Variants in KIAA0319 observed in about 807,000 individuals in gnomAD.
KIAA0319 encodes dyslexia-associated protein KIAA0319.
A neutral mutation model predicts 108.4 loss-of-function variants in KIAA0319; 83 were observed. The observed-to-expected ratio is 0.77, with a 90% CI of 0.64 to 0.92. KIAA0319 has a LOEUF of 0.92. Ranked by LOEUF, KIAA0319 falls within the 40% of genes least tolerant of loss-of-function variation. KIAA0319 has a pLI of 0.00. For missense variants in KIAA0319, 1,195 were observed against 1,322.4 expected, an observed-to-expected ratio of 0.90 and a Z score of 1.49; for synonymous variants, 484 against 510.4, an observed-to-expected ratio of 0.95 and a Z score of 0.70.
At chr6:24,611,324 C>A (rs1240152329) in intron 1 of KIAA0319, among the ~76,000 whole-genome samples, 1 of 151,788 alleles carries the variant, frequency 6.6e-6, no homozygotes, top group Non-Finnish European at 1.5e-5. Context: ...CAGGCTGAAA[C>A]CCTGTCTGTA....
In KIAA0319 at chr6:24,584,431, T is replaced by TA. The variant is rs5874993; in HGVS notation, c.995-730dup. Among the ~76,000 whole-genome samples, 344 of 91,240 alleles carry TA rather than the reference T, an allele frequency of 3.8e-3. 1 individual carries two copies. Among genetic ancestry groups the TA allele is most frequent in the South Asian group, 0.013 (32 of 2,532 alleles). 59.9% of individuals were successfully genotyped at this position (91,240 alleles called of 152,430 possible). On this transcript the variant is annotated intron_variant, in intron 4 of 20. Coordinates refer to ENST00000378214, the MANE Select transcript of KIAA0319 (RefSeq NM_014809.4). ...TACTACACAGAGAAAAGCAAAGATT[T>TA]AAAAAAAAAAAAAAAAAAAAAAAAG...
At chr6:24,590,868 C>G (rs1268836309) in intron 3 of KIAA0319, among the ~76,000 whole-genome samples, 1 of 152,310 alleles carries the variant, frequency 6.6e-6, no homozygotes, top group Non-Finnish European at 1.5e-5. Context: ...ACTAAGTCAT[C>G]AGGACACAAG....
intron 4 of KIAA0319, among the ~76,000 whole-genome samples, chr6:24,584,006 G>A (rs1031333901): frequency 4.6e-5 from 7 of 152,156 alleles, no homozygotes; most frequent in African/African-American, 1.7e-4. Flanking sequence ...ATGCAACTGT[G>A]AATTGGGTCC....
At chr6:24,643,171 C>A (rs1777183745) in intron 1 of KIAA0319, among the ~76,000 whole-genome samples, 1 of 152,206 alleles carries the variant, frequency 6.6e-6, no homozygotes, top group African/African-American at 2.4e-5. Context: ...TAAACACCTA[C>A]TGTTAAAAGA....
At chr6:24,606,213 A>G (rs5026270) in intron 1 of KIAA0319, among the ~76,000 whole-genome samples, 18,310 of 152,174 alleles carry the variant, frequency 0.12, 2,287 homozygotes, top group East Asian at 0.45. Context: ...TTGGGATTAT[A>G]GGCGTGAGTT....
intron 1 of KIAA0319, among the ~76,000 whole-genome samples, chr6:24,623,031 T>C (rs1417251268): frequency 6.6e-6 from 1 of 151,284 alleles, no homozygotes; most frequent in Non-Finnish European, 1.5e-5. Context: ...AGAGTGAGGC[T>C]CCATCTCATT....
chr6:24,596,705 C>T (rs1769669425), intron 2 of KIAA0319, 87 bp from the exon 3 acceptor site: 3 of 1,264,570 alleles, frequency 2.4e-6, no homozygotes, highest in Non-Finnish European at 2.2e-6. Context: ...AGGGAGTCTT[C>T]TCAATCCCTG....
chr6:24,622,971 G>A (rs2127573366), intron 1 of KIAA0319, among the ~76,000 whole-genome samples: 1 of 152,180 alleles, frequency 6.6e-6, no homozygotes, highest in East Asian at 1.9e-4. Flanking sequence ...CCCAGGAGAT[G>A]GAGGTTGCAG....
At chr6:24,634,004 A>C (rs1422571341) in intron 1 of KIAA0319, among the ~76,000 whole-genome samples, 1 of 152,254 alleles carries the variant, frequency 6.6e-6, no homozygotes, top group Non-Finnish European at 1.5e-5. Flanking sequence ...TATTAGTTTC[A>C]AACACAGGAA....
intron 4 of KIAA0319, among the ~76,000 whole-genome samples, chr6:24,586,653 A>T (rs1052259751): frequency 2.0e-5 from 3 of 152,336 alleles, no homozygotes; most frequent in Middle Eastern, 3.4e-3. Flanking sequence ...ATAAGCTTAT[A>T]TAATAAACCT....
chr6:24,612,319 G>T (rs1772451027), intron 1 of KIAA0319, among the ~76,000 whole-genome samples: 2 of 151,780 alleles, frequency 1.3e-5, no homozygotes, highest in South Asian at 4.2e-4. Context: ...AAGCATAGTG[G>T]CACCACCTGT....
intron 19 of KIAA0319, 73 bp from the exon 20 acceptor site, chr6:24,551,598 A>G (rs753064308): frequency 3.8e-5 from 38 of 1,003,276 alleles, no homozygotes; most frequent in Middle Eastern, 4.4e-4. Context: ...AACGCACAGT[A>G]AAGACACTAA....
chr6:24,586,830 C>T (rs184572104), intron 4 of KIAA0319, among the ~76,000 whole-genome samples: 9 of 151,756 alleles, frequency 5.9e-5, no homozygotes, highest in African/African-American at 2.2e-4. Flanking sequence ...CTCCATAGAA[C>T]TCTCTCCCTC....
chr6:24,550,673 T>G (rs1248328432), intron 20 of KIAA0319, among the ~76,000 whole-genome samples: 1 of 152,210 alleles, frequency 6.6e-6, no homozygotes, highest in Admixed American at 6.5e-5. Context: ...CCAAATGTCC[T>G]CTTGCTGCAT....
intron 1 of KIAA0319, among the ~76,000 whole-genome samples, chr6:24,633,700 A>G (rs1416975361): frequency 2.6e-5 from 4 of 152,212 alleles, no homozygotes. Context: ...ATATAAAAGG[A>G]TATTTGGGAA....
intron 1 of KIAA0319, among the ~76,000 whole-genome samples, chr6:24,640,014 G>T (rs1776716548): frequency 6.8e-6 from 1 of 146,134 alleles, no homozygotes; most frequent in African/African-American, 2.6e-5. Context: ...AGTATAGTAA[G>T]GTCATATACT....
At chr6:24,600,041 A>G (rs944316886) in intron 2 of KIAA0319, among the ~76,000 whole-genome samples, 6 of 152,244 alleles carry the variant, frequency 3.9e-5, no homozygotes, top group Admixed American at 1.3e-4. Context: ...CCAAAAAAAA[A>G]AAAAGGAAGA....
intron 11 of KIAA0319, among the ~76,000 whole-genome samples, chr6:24,570,765 G>A (rs1395328562): frequency 6.6e-6 from 1 of 152,142 alleles, no homozygotes; most frequent in African/African-American, 2.4e-5. Context: ...TTGATGTGAA[G>A]AGACCTGCTT....
At chr6:24,594,837 C>G (rs937816940) in intron 3 of KIAA0319, among the ~76,000 whole-genome samples, 1 of 151,874 alleles carries the variant, frequency 6.6e-6, no homozygotes, top group Non-Finnish European at 1.5e-5. Flanking sequence ...TTATTTCCAC[C>G]TATACTCAGC....
Sources: gnomAD v4.1 joint callset for allele counts (sites outside exome capture counted in the v4.1 genomes callset) on GRCh38, gnomAD v4.1.1 for gene constraint, MANE v1.5 for transcripts, NCBI Gene and HGNC (gene_info 2026-07-23, HGNC 2026-07-21) for gene names.